The following PCSK6 variants were observed in gnomAD, a reference collection of about 807,000 sequenced individuals.
PCSK6 encodes proprotein convertase subtilisin/kexin type 6.
Under a neutral mutation model 123.3 loss-of-function variants are expected in PCSK6, and 85 were observed. The observed-to-expected ratio is 0.69, with a 90% confidence interval of 0.58 to 0.83. PCSK6 has a LOEUF of 0.83. Ranked by LOEUF, PCSK6 falls within the 40% of genes least tolerant of loss-of-function variation. The probability of loss-of-function intolerance (pLI) is 0.00; values close to 1 mark genes in which losing one functional copy is unlikely to be tolerated. For synonymous variants in PCSK6, 508 were observed against 516.0 expected, an observed-to-expected ratio of 0.98 and a Z score of 0.21; for missense variants, 1,191 against 1,282.3, an observed-to-expected ratio of 0.93 and a Z score of 1.09.
At chr15:101,429,930 A>G (rs1430268224) in intron 5 of PCSK6, 57 bp downstream of exon 5, 2 of 1,413,892 alleles carry the variant, frequency 1.4e-6, no homozygotes, top group African/African-American at 1.4e-5. Context: ...CACACATTCA[A>G]TAGTGACGCT....
Position 101,489,476 on chromosome 15 carries a change from C to T in PCSK6, c.195G>A (p.Pro65=), listed in dbSNP as rs1403870893. The T allele has an allele frequency of 1.8e-6, 2 of 1,089,734 alleles. No individual in the cohort carries two copies. Among genetic ancestry groups the T allele is most frequent in the Admixed American group, 5.4e-5 (1 of 18,446 alleles). The allele number at this position is 1,089,734 out of a possible 1,614,324, so 67.5% of individuals were successfully genotyped here. ...AGTGGTTGGTGTAGACGGGGCGCGG[C>T]GGGGGCGCGGAGCAGGCGGCAGGCA... ...LALPAACSAP[P]PRPVYTNHWA... is the part of the protein sequence containing the mutation. The change falls in exon 1 of 22, where the codon CCG becomes CCA. Residue 65 remains proline, a synonymous_variant. Transcript: ENST00000611716.
intron 6 of PCSK6, among the ~76,000 whole-genome samples, chr15:101,421,387 C>A (rs1238865038): frequency 6.6e-6 from 1 of 152,196 alleles, no homozygotes; most frequent in African/African-American, 2.4e-5. Context: ...CACCTTTCTA[C>A]TCAAAAGGTG....
At chr15:101,481,719 T>C (rs1201693932) in intron 1 of PCSK6, among the ~76,000 whole-genome samples, 1 of 152,064 alleles carries the variant, frequency 6.6e-6, no homozygotes, top group Non-Finnish European at 1.5e-5. Context: ...GCCACTAAGG[T>C]AGACAGGGGT....
At chr15:101,406,119 C>T (rs7175571) in intron 6 of PCSK6, among the ~76,000 whole-genome samples, 8,172 of 152,140 alleles carry the variant, frequency 0.054, 440 homozygotes, top group African/African-American at 0.13. Context: ...AACATGCAGC[C>T]GGCCCCAGTC....
At chr15:101,405,084 C>G (rs982884769) in intron 6 of PCSK6, among the ~76,000 whole-genome samples, 1 of 152,300 alleles carries the variant, frequency 6.6e-6, no homozygotes, top group East Asian at 1.9e-4. Flanking sequence ...TTCCCCAACA[C>G]TGACAAGTTG....
intron 6 of PCSK6, among the ~76,000 whole-genome samples, chr15:101,403,656 C>G (rs952672226): frequency 1.2e-4 from 19 of 152,300 alleles, no homozygotes; most frequent in African/African-American, 3.6e-4. Context: ...CCCTGTCACC[C>G]CCAGCTTCTC....
At chr15:101,442,322 A>G (rs1208341144) in intron 2 of PCSK6, among the ~76,000 whole-genome samples, 1 of 152,238 alleles carries the variant, frequency 6.6e-6, no homozygotes, top group East Asian at 1.9e-4. Flanking sequence ...CTATCTATCC[A>G]TCCATTCATC....
At chr15:101,470,990 G>A (rs2057590176) in intron 1 of PCSK6, among the ~76,000 whole-genome samples, 1 of 152,194 alleles carries the variant, frequency 6.6e-6, no homozygotes, top group Non-Finnish European at 1.5e-5. Context: ...AGCCTACCTT[G>A]CCGTGCCAGG....
Position 101,401,469 on chromosome 15 carries a change from T to C in PCSK6, c.824-2893A>G, listed in dbSNP as rs576087320. On this transcript the variant is annotated intron_variant, in intron 6 of 21. Transcript: ENST00000611716. Reference sequence around the variant, plus strand: ...TGAGATGGCACAAGGCAAGTGGACTTAGATGCCTCGACGCCTGCTCCCAAG... The same window carrying C: ...TGAGATGGCACAAGGCAAGTGGACTCAGATGCCTCGACGCCTGCTCCCAAG... Among the ~76,000 whole-genome samples the C allele has an allele frequency of 1.1e-4, 16 of 152,286 alleles. No homozygotes were observed. In the South Asian group the frequency reaches 3.1e-3, roughly 30 times the overall value.
At chr15:101,306,317 T>C (rs937645568) in intron 21 of PCSK6, among the ~76,000 whole-genome samples, 1 of 152,104 alleles carries the variant, frequency 6.6e-6, no homozygotes, top group Non-Finnish European at 1.5e-5. Context: ...TTTCTGGGCC[T>C]TTGAAGGGAC....
In PCSK6 at chr15:101,392,570, T is replaced by C. The variant is rs1159470253; in HGVS notation, c.1209+642A>G. Among the ~76,000 whole-genome samples the C allele has an allele frequency of 2.7e-5, 4 of 146,510 alleles. No homozygotes were observed. In the Admixed American group the frequency reaches 2.8e-4, roughly 10 times the overall value. ...TTTGCACTTCAATTCTGCATTAATT[T>C]GAACTGGAAACCCTCCCTTCCTCTT... On this transcript the variant is annotated intron_variant, in intron 8 of 21. Coordinates refer to ENST00000611716, the MANE Select transcript of PCSK6 (RefSeq NM_002570.5).
intron 6 of PCSK6, among the ~76,000 whole-genome samples, chr15:101,399,121 G>A (rs2042510511): frequency 1.3e-5 from 2 of 151,918 alleles, no homozygotes; most frequent in South Asian, 2.1e-4. Flanking sequence ...GGCTGGTCTC[G>A]AACTCCTGAC....
chr15:101,468,478 C>T (rs2057520660), intron 1 of PCSK6, among the ~76,000 whole-genome samples: 1 of 152,192 alleles, frequency 6.6e-6, no homozygotes, highest in South Asian at 2.1e-4. Context: ...GATGCAAACT[C>T]TCCATTTCCA....
chr15:101,406,500 G>A (rs1322038715), intron 6 of PCSK6, among the ~76,000 whole-genome samples: 1 of 152,084 alleles, frequency 6.6e-6, no homozygotes, highest in Non-Finnish European at 1.5e-5. Flanking sequence ...ATTATGTTTT[G>A]TTTTTGTTTT....
At chr15:101,428,148 G>C (rs944682414) in intron 5 of PCSK6, among the ~76,000 whole-genome samples, 168 bp from the exon 6 acceptor site, 1 of 152,192 alleles carries the variant, frequency 6.6e-6, no homozygotes, top group African/African-American at 2.4e-5. Flanking sequence ...TCTGGGAGAA[G>C]GCACCAAGTC....
chr15:101,413,220 T>A (rs528469019), intron 6 of PCSK6, among the ~76,000 whole-genome samples: 1 of 152,202 alleles, frequency 6.6e-6, no homozygotes, highest in Non-Finnish European at 1.5e-5. Context: ...AATGAATGTA[T>A]GTTTAATATG....
In PCSK6 at chr15:101,346,998, T is replaced by G. The variant is rs996679086; in HGVS notation, c.1859-14967A>C. On this transcript the variant is annotated intron_variant, in intron 13 of 21. Transcript: ENST00000611716. ...GAGAAAAGGAGGTAAAGAGATTGAC[T>G]GCAATATTAATGCAAATGGGGTTAA... 6 of 1,231,642 alleles carry G rather than the reference T, an allele frequency of 4.9e-6. No homozygotes were observed. In the African/African-American group the frequency reaches 9.3e-5, roughly 19 times the overall value. 76.3% of individuals were successfully genotyped at this position (1,231,642 alleles called of 1,614,324 possible).
intron 9 of PCSK6, among the ~76,000 whole-genome samples, chr15:101,384,965 T>C (rs887803048): frequency 3.9e-4 from 60 of 152,336 alleles, no homozygotes; most frequent in African/African-American, 1.4e-3. Context: ...ATGCCACTAA[T>C]GTAACTAAAT....
intron 10 of PCSK6, 197 bp downstream of exon 10, chr15:101,384,125 G>A (rs2041989354): frequency 7.2e-7 from 1 of 1,383,712 alleles, no homozygotes; most frequent in Non-Finnish European, 9.4e-7. Flanking sequence ...CTTGTGACCT[G>A]AGGGTTCTTC....
Sources: allele counts gnomAD v4.1 joint callset (sites outside exome capture counted in the v4.1 genomes callset), GRCh38; gene constraint gnomAD v4.1.1; transcripts MANE v1.5; gene names NCBI Gene and HGNC (gene_info 2026-07-23, HGNC 2026-07-21).